VWA5B1: variants seen among roughly 807,000 people sequenced by gnomAD.
VWA5B1 encodes von Willebrand factor A domain-containing protein 5B1.
In VWA5B1, 115 loss-of-function variants were observed where a neutral mutation model predicts 118.2. The observed-to-expected ratio is 0.97, with a 90% CI of 0.84 to 1.14. VWA5B1 has a LOEUF of 1.14. VWA5B1 is among the 50% of genes most tolerant of loss of function. VWA5B1 has a pLI of 0.00. For synonymous variants in VWA5B1, 682 were observed against 658.4 expected (o/e 1.04, Z -0.55); for missense variants, 1,596 against 1,603.8 (o/e 1.00, Z 0.08).
intron 1 of VWA5B1, among the ~76,000 whole-genome samples, chr1:20,300,783 A>G (rs922512523): frequency 3.3e-5 from 5 of 152,256 alleles, no homozygotes; most frequent in African/African-American, 1.2e-4. Flanking sequence ...TGTGCTAAGA[A>G]CCATAACAAG....
chr1:20,330,795 G>A, intron 10 of VWA5B1, 74 bp from the exon 11 acceptor site: 4 of 1,403,584 alleles, frequency 2.8e-6, no homozygotes, highest in Non-Finnish European at 4.0e-6. Flanking sequence ...ACCATGCTCT[G>A]TCCCTTTCTG....
rs1557440679 is a variant in VWA5B1 at position 20,342,601 on chromosome 1, G to A, written c.2303G>A (p.Gly768Glu). ...RERTSDSRSP[G>E]DLEPSHHPSA... ...CGGACTTCTGACAGCCGAAGCCCTG[G>A]AGATCTGGGTAAGTGACCACAGGGT... Residue 768 changes from glycine to glutamate, a missense_variant, in exon 15 of 22, where the codon GGA (glycine) becomes GAA (glutamate). By Grantham distance (98) the Gly-to-Glu change is moderately conservative (BLOSUM62 -2). Transcript: ENST00000289815. 2.7e-6 allele frequency: 4 copies of A among 1,488,016 alleles called. No homozygotes were observed. The East Asian group carries it at 7.5e-5, about 28-fold the overall frequency. The allele number at this position is 1,488,016 out of a possible 1,614,324, so 92.2% of individuals were successfully genotyped here. A position where few individuals can be genotyped will look rare whatever the true frequency, so the allele number is the denominator to read the frequency against.
chr1:20,325,005 A>T (rs2089334753), intron 8 of VWA5B1, among the ~76,000 whole-genome samples: 1 of 152,176 alleles, frequency 6.6e-6, no homozygotes. Flanking sequence ...AAGATGTCTC[A>T]GTTACCCTAG....
At position 20,345,513 on chromosome 1, in the gene VWA5B1, T is replaced by C. The variant is rs1427979139; in HGVS notation, c.2684T>C (p.Ile895Thr). ...ALHTSKACNI[I>T]SKYTAFVPVD... ...CACACCAGCAAGGCCTGCAACATCA[T>C]TAGCAAATACACAGCCTTCGTGCCT... Residue 895 changes from isoleucine to threonine, a missense_variant, in exon 17 of 22, where the codon ATT becomes ACT. By Grantham distance (89) the Ile-to-Thr change is moderately conservative (BLOSUM62 -1). Transcript: ENST00000289815. 5 of 1,551,270 alleles carry C rather than the reference T, an allele frequency of 3.2e-6. No homozygotes were observed. The highest frequency in any genetic ancestry group is 2.0e-5 in the Admixed American group (1 of 50,988).
chr1:20,336,517 T>C (rs2089722898), intron 13 of VWA5B1, 31 bp downstream of exon 13: 3 of 1,325,222 alleles, frequency 2.3e-6, no homozygotes, highest in Middle Eastern at 1.9e-4. Flanking sequence ...ATTGCTGCCT[T>C]ACATTGAGCA....
chr1:20,317,756 A>G, intron 5 of VWA5B1, 81 bp downstream of exon 5: 1 of 1,042,126 alleles, frequency 9.6e-7, no homozygotes, highest in Non-Finnish European at 1.4e-6. Flanking sequence ...GGGGGTGGGA[A>G]GGAAAGCCAA....
chr1:20,304,322 A>G (rs1356240658), intron 1 of VWA5B1, among the ~76,000 whole-genome samples: 1 of 152,172 alleles, frequency 6.6e-6, no homozygotes, highest in Admixed American at 6.5e-5. Flanking sequence ...TGAAAGAGGA[A>G]CAAGACTTTG....
At chr1:20,350,027 G>A in intron 18 of VWA5B1, 129 bp from the exon 19 acceptor site, 1 of 856,572 alleles carries the variant, frequency 1.2e-6, no homozygotes, top group Non-Finnish European at 1.9e-6. Flanking sequence ...ATCCGAGCAG[G>A]GGTGGAAACC....
rs115634722 is a variant in VWA5B1 at position 20,357,341 on chromosome 1, G to A, written c.*3078G>A. Among the ~76,000 whole-genome samples the A allele has an allele frequency of 2.5e-3, 376 of 152,342 alleles. 2 individuals carry two copies. Among genetic ancestry groups the A allele is most frequent in the African/African-American group, 8.2e-3 (343 of 41,582 alleles). On this transcript the variant is annotated 3_prime_UTR_variant, in exon 22 of 22. Coordinates refer to ENST00000289815, the MANE Select transcript of VWA5B1 (RefSeq NM_001039500.3). The stretch of plus-strand genomic sequence containing the variant: ...ACCCTGTTCCTCACTTAGATGAGAC[G>A]TGAATAAGCAACCTATGAGAAACTG...
At chr1:20,309,244 G>A (rs111959469) in intron 1 of VWA5B1, among the ~76,000 whole-genome samples, 13 of 152,342 alleles carry the variant, frequency 8.5e-5, no homozygotes, top group African/African-American at 3.1e-4. Context: ...CACGTGTGTA[G>A]CGCCTATGCT....
In VWA5B1 at chr1:20,343,102, T is replaced by C. The variant is rs2089918920; in HGVS notation, c.2335T>C (p.Phe779Leu). ...AGAGCCGTCCCACCATCCCTCTGCC[T>C]TCGAGACAGAGACGTCCTCGGACTG... ...DLEPSHHPSA[F>L]ETETSSDWDP... Residue 779 changes from phenylalanine to leucine, a missense_variant, in exon 16 of 22, where the codon TTC (phenylalanine) becomes CTC (leucine). By Grantham distance (22) the Phe-to-Leu change is conservative (BLOSUM62 0). Transcript: ENST00000289815. 2.0e-6 allele frequency: 3 copies of C among 1,531,818 alleles called. No individual in the cohort carries two copies. Among genetic ancestry groups the C allele is most frequent in the African/African-American group, 2.8e-5 (2 of 72,566 alleles). The allele number at this position is 1,531,818 out of a possible 1,614,324, so 94.9% of individuals were successfully genotyped here. A position where few individuals can be genotyped will look rare whatever the true frequency, so the allele number is the denominator to read the frequency against.
At chr1:20,301,589 G>A (rs1436289678) in intron 1 of VWA5B1, among the ~76,000 whole-genome samples, 1 of 152,204 alleles carries the variant, frequency 6.6e-6, no homozygotes, top group African/African-American at 2.4e-5. Context: ...CTGCAATGGA[G>A]TAGCTCTAGA....
chr1:20,338,270 T>G, intron 14 of VWA5B1: 1 of 355,128 alleles, frequency 2.8e-6, no homozygotes, highest in Non-Finnish European at 5.6e-6. Context: ...CAAAGCCTTT[T>G]ATTCCCCCTC....
At position 20,319,647 on chromosome 1, in the gene VWA5B1, G is replaced by A. The variant is rs769049169; in HGVS notation, c.966+141G>A. On this transcript the variant is annotated intron_variant, in intron 7 of 21. Coordinates refer to ENST00000289815, the MANE Select transcript of VWA5B1 (RefSeq NM_001039500.3). ...TGGAGGCAGACACCAGGCAAGAAGT[G>A]TTTCCTTCTGTGGGCCCCCGGGCAC... 6.2e-6 allele frequency: 8 copies of A among 1,294,278 alleles called. No individual in the cohort carries two copies. In the East Asian group the frequency reaches 1.3e-4, roughly 21 times the overall value. 80.2% of individuals were successfully genotyped at this position (1,294,278 alleles called of 1,614,324 possible).
chr1:20,338,679 A>G, intron 14 of VWA5B1: 1 of 153,248 alleles, frequency 6.5e-6, no homozygotes, highest in Non-Finnish European at 1.5e-5. Flanking sequence ...ACAGGCATGT[A>G]CCGCTATGCC....
At position 20,351,048 on chromosome 1, in the gene VWA5B1, G is replaced by A. The variant is rs182688287; in HGVS notation, c.3023+122G>A. ...TCAGCCTGACATTTAGGCAGGTGTCGTAAAGAAGGCACTCCTGCCCAGAGC... is the reference window on the plus strand; with the variant it reads ...TCAGCCTGACATTTAGGCAGGTGTCATAAAGAAGGCACTCCTGCCCAGAGC... On this transcript the variant is annotated intron_variant, in intron 20 of 21. Coordinates refer to ENST00000289815, the MANE Select transcript of VWA5B1 (RefSeq NM_001039500.3). The A allele has an allele frequency of 1.7e-4, 156 of 922,728 alleles. 1 individual carries two copies. In the East Asian group the frequency reaches 2.0e-3, roughly 12 times the overall value. 57.2% of individuals were successfully genotyped at this position (922,728 alleles called of 1,614,324 possible).
chr1:20,304,127 GCT>G (rs2088576678), intron 1 of VWA5B1, among the ~76,000 whole-genome samples: 3 of 152,192 alleles, frequency 2.0e-5, no homozygotes, highest in Admixed American at 2.0e-4. Flanking sequence ...TGCAGCCATT[GCT>G]CTTTCAGAAC....
chr1:20,304,785 C>A (rs557973201), intron 1 of VWA5B1, among the ~76,000 whole-genome samples: 2 of 152,280 alleles, frequency 1.3e-5, no homozygotes, highest in Non-Finnish European at 2.9e-5. Flanking sequence ...CATGTTTAAG[C>A]ACATGGTCCT....
rs1301186905 is a variant in VWA5B1 at position 20,354,298 on chromosome 1, G to A, written c.*35G>A. On this transcript the variant is annotated 3_prime_UTR_variant, in exon 22 of 22. Coordinates refer to ENST00000289815, the MANE Select transcript of VWA5B1 (RefSeq NM_001039500.3). ...GGGGAGGCTGGGTGGAGGGAAGGGTGGGGAGGAGAGGGATGGGCAGGGCCA... is the reference window on the plus strand; with the variant it reads ...GGGGAGGCTGGGTGGAGGGAAGGGTAGGGAGGAGAGGGATGGGCAGGGCCA... 2.1e-6 allele frequency: 3 copies of A among 1,452,222 alleles called. No individual in the cohort carries two copies. Among genetic ancestry groups the A allele is most frequent in the African/African-American group, 2.8e-5 (2 of 71,324 alleles). 90.0% of individuals were successfully genotyped at this position (1,452,222 alleles called of 1,614,324 possible). A position where few individuals can be genotyped will look rare whatever the true frequency, so the allele number is the denominator to read the frequency against.
Sources: gnomAD v4.1 joint callset for allele counts (sites outside exome capture counted in the v4.1 genomes callset) on GRCh38, gnomAD v4.1.1 for gene constraint, MANE v1.5 for transcripts, NCBI Gene and HGNC (gene_info 2026-07-23, HGNC 2026-07-21) for gene names.